Variants in CDH23 observed in about 807,000 individuals in gnomAD.
The protein encoded by CDH23 is cadherin-23.
In CDH23, 189 loss-of-function variants were observed where a neutral mutation model predicts 317.1. That is an observed-to-expected ratio of 0.60 (90% CI 0.53 to 0.67). CDH23 has a LOEUF of 0.67. Among genes scored for constraint, CDH23 ranks in the 30% least tolerant of loss-of-function variants. CDH23 has a pLI of 0.00. For missense variants in CDH23, 4,401 were observed against 4,592.4 expected, an observed-to-expected ratio of 0.96 and a Z score of 1.20; for synonymous variants, 1,839 against 1,876.8, an observed-to-expected ratio of 0.98 and a Z score of 0.52.
At chr10:71,726,751 C>G (rs1484955448) in intron 30 of CDH23, among the ~76,000 whole-genome samples, 1 of 152,230 alleles carries the variant, frequency 6.6e-6, no homozygotes, top group Non-Finnish European at 1.5e-5. Context: ...CACAGAGTGA[C>G]TGATGTCAGC....
chr10:71,576,773 G>GGGGC (rs1172078357), intron 8 of CDH23, among the ~76,000 whole-genome samples: 1 of 152,222 alleles, frequency 6.6e-6, no homozygotes. Context: ...CCCCAGGCAA[G>GGGGC]GGGCGACTCA....
rs1441809574 is a variant in CDH23, at chr10:71,811,977, C to T, written c.9342C>T (p.Ile3114=). 1 of 1,604,600 alleles carries T rather than the reference C, an allele frequency of 6.2e-7. No homozygotes were observed. Among genetic ancestry groups the T allele is most frequent in the Non-Finnish European group, 8.5e-7 (1 of 1,174,434 alleles). The part of the protein sequence containing the change: ...GSAGNRGFID[I]MDMPNTNKYS... ...CAGGGAATCGTGGCTTCATCGACAT[C>T]ATGGACATGCCTAACACCAACAAGT... Residue 3114 remains isoleucine, a synonymous_variant, in exon 66 of 70, where the codon ATC becomes ATT. Transcript: ENST00000224721.
intron 3 of CDH23, among the ~76,000 whole-genome samples, chr10:71,488,793 A>C (rs1216447271): frequency 2.0e-5 from 3 of 152,206 alleles, no homozygotes; most frequent in Admixed American, 6.5e-5. Flanking sequence ...GCATTGACTA[A>C]TTAAATAGCC....
Position 71,793,637 on chromosome 10 carries a change from A to G in CDH23, c.6709A>G (p.Thr2237Ala), listed in dbSNP as rs769663561. The change falls in exon 48 of 70, where the codon ACA becomes GCA. Residue 2237 changes from threonine to alanine, a missense_variant. This residue lies in a region of CDH23 where 3,068 missense variants were observed against 3,203.3 expected (regional missense o/e 0.96). Coordinates refer to ENST00000224721, the MANE Select transcript of CDH23 (RefSeq NM_022124.6). Reference protein sequence around the residue: ...QEDAFAVNINTGSVMVKSPMN... With the variant: ...QEDAFAVNINAGSVMVKSPMN... ...GGACGCCTTTGCTGTGAATATCAACACAGGTACAAGGGCCTGCACCCCTCC... is the reference window on the plus strand; with the variant it reads ...GGACGCCTTTGCTGTGAATATCAACGCAGGTACAAGGGCCTGCACCCCTCC... 17 of 1,579,262 alleles carry G rather than the reference A, an allele frequency of 1.1e-5. No individual in the cohort carries two copies. Among genetic ancestry groups the G allele is most frequent in the Non-Finnish European group, 1.5e-5 (17 of 1,161,480 alleles).
intron 14 of CDH23, among the ~76,000 whole-genome samples, chr10:71,671,860 T>C (rs3849959): frequency 0.17 from 25,469 of 152,232 alleles, 2,596 homozygotes; most frequent in Non-Finnish European, 0.24. Flanking sequence ...AGTACTTACC[T>C]GTGGAGTTCT....
Position 71,815,247 on chromosome 10 carries a change from T to C in CDH23, c.10034T>C (p.Met3345Thr), listed in dbSNP as rs1475311814. The change falls in exon 70 of 70, where the codon ATG (methionine) becomes ACG (threonine). Residue 3345 changes from methionine (M) to threonine (T), a missense_variant. Around this residue, in one of 3 missense-constraint regions of CDH23, gnomAD observed 1,144 missense variants for 1,138.2 expected, o/e 1.01. Coordinates refer to ENST00000224721, the MANE Select transcript of CDH23 (RefSeq NM_022124.6). ...CTGCACAAACTTCGCGACGTGATCA[T>C]GGAGACCCCCCTGGAGATCACAGAG... is the stretch of plus-strand genomic sequence containing the variant. ...TPLHKLRDVIMETPLEITEL is the reference protein window; with the variant it reads ...TPLHKLRDVITETPLEITEL 1.9e-6 allele frequency: 3 copies of C among 1,587,534 alleles called. No homozygotes were observed. Among genetic ancestry groups the C allele is most frequent in the Admixed American group, 1.7e-5 (1 of 59,038 alleles).
At chr10:71,505,036 C>T (rs751481938) in intron 3 of CDH23, among the ~76,000 whole-genome samples, 2 of 152,172 alleles carry the variant, frequency 1.3e-5, no homozygotes, top group African/African-American at 2.4e-5. Flanking sequence ...ACAGTAGTTC[C>T]AATGTACCGT....
At chr10:71,808,887 T>C (rs1007034533) in intron 60 of CDH23, among the ~76,000 whole-genome samples, 4 of 152,194 alleles carry the variant, frequency 2.6e-5, no homozygotes, top group Non-Finnish European at 5.9e-5. Flanking sequence ...GGAATGCCAT[T>C]TTGACCCCTT....
intron 1 of CDH23, among the ~76,000 whole-genome samples, chr10:71,424,566 A>G (rs1387833960): frequency 6.6e-6 from 1 of 152,136 alleles, no homozygotes; most frequent in African/African-American, 2.4e-5. Flanking sequence ...CCCCCAGCTG[A>G]GGGTGTGCCT....
At chr10:71,668,692 G>A (rs1286476608) in intron 14 of CDH23, among the ~76,000 whole-genome samples, 1 of 152,178 alleles carries the variant, frequency 6.6e-6, no homozygotes, top group Non-Finnish European at 1.5e-5. Context: ...AAAACGAAAT[G>A]TCAGAGGGGC....
intron 1 of CDH23, among the ~76,000 whole-genome samples, chr10:71,403,486 C>T (rs1437994072): frequency 7.1e-5 from 9 of 126,920 alleles, no homozygotes; most frequent in Non-Finnish European, 1.3e-4. Context: ...TCCTTCCTTC[C>T]TTCCTTCCTT....
chr10:71,425,401 A>AAGGAAGGAAGGAAGGG (rs1849028396), intron 1 of CDH23, among the ~76,000 whole-genome samples: 1 of 149,492 alleles, frequency 6.7e-6, no homozygotes, highest in Non-Finnish European at 1.5e-5. Context: ...GGAAGGAAGG[A>AAGGAAGGAAGGAAGGG]AGGAAGGAAG....
At chr10:71,406,116 A>AG (rs1848087119) in intron 1 of CDH23, among the ~76,000 whole-genome samples, 2 of 151,858 alleles carry the variant, frequency 1.3e-5, no homozygotes, top group African/African-American at 4.8e-5. Context: ...CCTGGGCTCA[A>AG]GTGATCTTCC....
At chr10:71,418,087 T>C (rs1848606666) in intron 1 of CDH23, among the ~76,000 whole-genome samples, 1 of 152,240 alleles carries the variant, frequency 6.6e-6, no homozygotes, top group African/African-American at 2.4e-5. Flanking sequence ...CATTCATCTT[T>C]TTTCAACTAT....
rs780094972 is a variant in CDH23 at position 71,793,248 on chromosome 10, G to C, written c.6320G>C (p.Arg2107Pro). 6.2e-7 allele frequency: 1 copy of C among 1,613,870 alleles called. No homozygotes were observed. The highest frequency in any genetic ancestry group is 8.5e-7 in the Non-Finnish European group (1 of 1,179,878). ...GGCCTCAATGGGGAGCTGGTCTACC[G>C]AATAGAAGCTGGGGCTCAGGACCGC... ...DSGLNGELVY[R>P]IEAGAQDRFL... Residue 2107 changes from arginine to proline, a missense_variant, in exon 48 of 70, where the codon CGA becomes CCA. Arg to Pro is a moderately radical substitution (Grantham distance 103). Coordinates refer to ENST00000224721, the MANE Select transcript of CDH23 (RefSeq NM_022124.6).
chr10:71,814,713 T>TACACACACACAC (rs34475820), intron 69 of CDH23, among the ~76,000 whole-genome samples: 114 of 146,992 alleles, frequency 7.8e-4, no homozygotes, highest in African/African-American at 2.6e-3. Flanking sequence ...AAGAAGCCGA[T>TACACACACACAC]ACACACACAC....
chr10:71,766,908 G>A lies in CDH23; in HGVS notation c.4846-10772G>A, dbSNP rs969094042. Among the ~76,000 whole-genome samples, 8 of 152,304 alleles carry A rather than the reference G, an allele frequency of 5.3e-5. No homozygotes were observed. The East Asian group carries it at 5.8e-4, about 11-fold the overall frequency. On this transcript the variant is annotated intron_variant, in intron 38 of 69. Transcript: ENST00000224721. ...GCTATTTAGAAAAAATGAACTGACC[G>A]TGCATTGACCTCCACGCCCTCCGTG... is the stretch of plus-strand genomic sequence containing the variant.
rs376510310 is a variant in CDH23, at chr10:71,484,089, T to G, written c.146-25993T>G. On this transcript the variant is annotated intron_variant, in intron 3 of 69. Transcript: ENST00000224721. The stretch of plus-strand genomic sequence containing the variant: ...CAGCTGTGGTCCCAGGGCCTGTATC[T>G]GGATGTGGGGGGTGAGGGCTTGAGG... Among the ~76,000 whole-genome samples the G allele has an allele frequency of 1.2e-3, 180 of 152,238 alleles. 3 individuals are homozygous for G. The East Asian group carries it at 0.03, about 26-fold the overall frequency.
rs148193857 is a variant in CDH23 at position 71,528,648 on chromosome 10, G to T, written c.429+17436G>T. 7.6e-3 allele frequency among the ~76,000 whole-genome samples: 1,163 copies of T among 152,366 alleles called. 62 individuals carry two copies. The highest frequency in any genetic ancestry group is 0.07 in the Admixed American group (1,068 of 15,306). On this transcript the variant is annotated intron_variant, in intron 6 of 69. Transcript: ENST00000224721. ...GAGTGATTGAGGTGCCCGGGCCTCC[G>T]CAGCAGCCTGGGAATCCTGATGAAA... is the stretch of plus-strand genomic sequence containing the variant.
Sources: gnomAD v4.1 joint callset for allele counts (sites outside exome capture counted in the v4.1 genomes callset) on GRCh38, gnomAD v4.1.1 for gene constraint, gnomAD v4.1.1 regional missense constraint, MANE v1.5 for transcripts, NCBI Gene and HGNC (gene_info 2026-07-23, HGNC 2026-07-21) for gene names.